NAV2: variants seen among roughly 807,000 people sequenced by gnomAD.
The protein encoded by NAV2 is neuron navigator 2.
In NAV2, 54 loss-of-function variants were observed where a neutral mutation model predicts 223.2. The ratio of observed to expected loss-of-function variants is 0.24; its 90% CI spans 0.19 to 0.30. The LOEUF (loss-of-function observed/expected upper bound fraction) is 0.30, where lower values mean the gene tolerates loss of function less well. NAV2 is among the 10% of genes least tolerant of loss of function. NAV2 has a pLI of 1.00. For missense variants in NAV2, 2,806 were observed against 3,147.5 expected, an observed-to-expected ratio of 0.89 and a Z score of 2.60; for synonymous variants, 1,279 against 1,239.3, an observed-to-expected ratio of 1.03 and a Z score of -0.67.
intron 1 of NAV2, among the ~76,000 whole-genome samples, chr11:19,683,852 T>TC (rs1378072369): frequency 7.2e-5 from 11 of 152,252 alleles, no homozygotes; most frequent in African/African-American, 2.7e-4. Context: ...TTAAATTGTA[T>TC]CTTCAACAAT....
intron 1 of NAV2, among the ~76,000 whole-genome samples, chr11:19,419,610 C>T (rs1043712920): frequency 3.9e-5 from 6 of 152,240 alleles, no homozygotes; most frequent in African/African-American, 1.4e-4. Context: ...TTTTCATTTC[C>T]TTGTAGACAG....
chr11:19,572,658 G>C (rs1477337457), intron 1 of NAV2, among the ~76,000 whole-genome samples: 1 of 152,176 alleles, frequency 6.6e-6, no homozygotes, highest in Non-Finnish European at 1.5e-5. Context: ...ATAGATGCCA[G>C]AACCAGTCTG....
At chr11:19,668,567 G>T (rs1374732892) in intron 1 of NAV2, among the ~76,000 whole-genome samples, 1 of 140,238 alleles carries the variant, frequency 7.1e-6, no homozygotes, top group East Asian at 2.2e-4. Flanking sequence ...GTAGCCCTAC[G>T]TTCCATAGTC....
chr11:19,713,781 C>T lies in NAV2; in HGVS notation c.86C>T (p.Pro29Leu), dbSNP rs374708050. The T allele has an allele frequency of 9.9e-6, 16 of 1,612,612 alleles. No individual in the cohort carries two copies. In the African/African-American group the frequency reaches 1.9e-4, roughly 19 times the overall value. ...GCCGCGCCCATCCTGCACGTGCCCC[C>T]GGCCCGGGCGGGCCCCCAGCCCTGC... ...HSAAPILHVP[P>L]ARAGPQPCYL... Residue 29 changes from proline (P) to leucine (L), a missense_variant, in exon 1 of 38, where the codon CCG becomes CTG. Pro to Leu is a moderately conservative substitution (Grantham distance 98). Coordinates refer to ENST00000349880, the MANE Select transcript of NAV2 (RefSeq NM_145117.5). This position sits in a 1 kb window ranked among gnomAD's most constrained non-coding sequence, Gnocchi z 7.2.
At chr11:20,029,926 G>A (rs1418656154) in intron 11 of NAV2, among the ~76,000 whole-genome samples, 2 of 152,142 alleles carry the variant, frequency 1.3e-5, no homozygotes, top group Non-Finnish European at 2.9e-5. Flanking sequence ...ATGCTTTTGT[G>A]TTGATTGTTC....
chr11:19,496,978 C>T (rs772753615), intron 1 of NAV2, among the ~76,000 whole-genome samples: 2 of 152,158 alleles, frequency 1.3e-5, no homozygotes, highest in Non-Finnish European at 2.9e-5. Context: ...TGTGTGGATA[C>T]GTTACCTAAT....
intron 37 of NAV2, among the ~76,000 whole-genome samples, 192 bp downstream of exon 37, chr11:20,114,987 C>G (rs537365977): frequency 1.1e-3 from 168 of 152,302 alleles, no homozygotes; most frequent in Non-Finnish European, 1.7e-3. Context: ...AACTTCTCCT[C>G]TGAAATTTTT....
In NAV2 at chr11:19,742,288, A is replaced by C. The variant is rs1463641650; in HGVS notation, c.267+28326A>C. On this transcript the variant is annotated intron_variant, in intron 1 of 37. Coordinates refer to ENST00000349880, the MANE Select transcript of NAV2 (RefSeq NM_145117.5). ...TTGGGCTAGTTACTTAACCTCTTTC[A>C]GTCTCAATTTCCTCATCTGTAAAAC... is the stretch of plus-strand genomic sequence containing the variant. Among the ~76,000 whole-genome samples the C allele has an allele frequency of 3.3e-5, 5 of 152,214 alleles. No individual in the cohort carries two copies. In the South Asian group the frequency reaches 8.3e-4, roughly 25 times the overall value.
At chr11:19,717,761 A>G (rs998303291) in intron 1 of NAV2, among the ~76,000 whole-genome samples, 1 of 152,188 alleles carries the variant, frequency 6.6e-6, no homozygotes, top group African/African-American at 2.4e-5. Flanking sequence ...TTCATAACAG[A>G]TCATTGGGAA....
chr11:19,760,455 T>G lies in NAV2; in HGVS notation c.267+46493T>G, dbSNP rs145593670. 2.7e-4 allele frequency among the ~76,000 whole-genome samples: 41 copies of G among 152,298 alleles called. 1 individual carries two copies. In the East Asian group the frequency reaches 7.9e-3, roughly 29 times the overall value. ...GCTTCAGGGGAGAATGCAGGCATGT[T>G]GCAGGAAAACAGAAGAACCATGCAC... is the stretch of plus-strand genomic sequence containing the variant. On this transcript the variant is annotated intron_variant, in intron 1 of 37. Transcript: ENST00000349880.
At chr11:19,366,870 A>G (rs1441659221) in intron 1 of NAV2, among the ~76,000 whole-genome samples, 1 of 152,220 alleles carries the variant, frequency 6.6e-6, no homozygotes, top group Non-Finnish European at 1.5e-5. Context: ...AGTATTAAAT[A>G]GGTAACTAGC....
chr11:19,961,088 A>G (rs1467849977), intron 10 of NAV2, among the ~76,000 whole-genome samples: 1 of 151,510 alleles, frequency 6.6e-6, no homozygotes, highest in African/African-American at 2.4e-5. Flanking sequence ...CCAAATCCAT[A>G]TTTCTTTTCT....
At chr11:19,444,894 T>A (rs1564940970) in intron 1 of NAV2, among the ~76,000 whole-genome samples, 1 of 152,214 alleles carries the variant, frequency 6.6e-6, no homozygotes, top group Non-Finnish European at 1.5e-5. Flanking sequence ...TAAACTTTTT[T>A]ATAAATAGGC....
intron 1 of NAV2, among the ~76,000 whole-genome samples, chr11:19,498,166 C>A (rs1247147954): frequency 6.6e-6 from 1 of 152,168 alleles, no homozygotes; most frequent in African/African-American, 2.4e-5. Flanking sequence ...TCTGGGCTAT[C>A]CCTATTCACC....
intron 6 of NAV2, among the ~76,000 whole-genome samples, chr11:19,919,553 G>T (rs1005055214): frequency 6.6e-6 from 1 of 152,172 alleles, no homozygotes; most frequent in East Asian, 1.9e-4. Flanking sequence ...GGGCAGGGCC[G>T]TGGGAGCCAC....
At chr11:19,572,615 A>G (rs1183093341) in intron 1 of NAV2, among the ~76,000 whole-genome samples, 1 of 152,184 alleles carries the variant, frequency 6.6e-6, no homozygotes, top group East Asian at 1.9e-4. Flanking sequence ...AATGACTTCC[A>G]TGTTTTTAAG....
At position 19,835,535 on chromosome 11, in the gene NAV2, AG is replaced by A. The variant is rs561150034; in HGVS notation, c.385+2940del. On this transcript the variant is annotated intron_variant, in intron 2 of 37. Transcript: ENST00000349880. ...TTATGAACACAGGTCTCTTGGTGAG[AG>A]GGGGGAGAAGCATCTTCTGACTAGG... Among the ~76,000 whole-genome samples, 29 of 152,180 alleles carry A rather than the reference AG, an allele frequency of 1.9e-4. 1 individual carries two copies. In the South Asian group the frequency reaches 6.0e-3, roughly 32 times the overall value.
intron 1 of NAV2, among the ~76,000 whole-genome samples, chr11:19,496,693 G>A (rs1408559589): frequency 1.3e-5 from 2 of 152,200 alleles, no homozygotes; most frequent in African/African-American, 2.4e-5. Flanking sequence ...GGGCCTGAAT[G>A]TTAGGTGGCA....
intron 11 of NAV2, among the ~76,000 whole-genome samples, chr11:20,035,323 A>G (rs998018005): frequency 2.6e-5 from 4 of 152,236 alleles, no homozygotes; most frequent in African/African-American, 9.6e-5. Flanking sequence ...AAAAAGAAAG[A>G]AAGAACCATT....
Sources: gnomAD v4.1 joint callset for allele counts (sites outside exome capture counted in the v4.1 genomes callset) on GRCh38, gnomAD v4.1.1 for gene constraint, Gnocchi (gnomAD v3.1) non-coding constraint, MANE v1.5 for transcripts, NCBI Gene and HGNC (gene_info 2026-07-23, HGNC 2026-07-21) for gene names.